CDH7: variants seen among roughly 807,000 people sequenced by gnomAD.
The protein encoded by CDH7 is cadherin 7.
In CDH7, 25 loss-of-function variants were observed where a neutral mutation model predicts 71.8. The observed-to-expected ratio is 0.35, with a 90% CI of 0.25 to 0.49. The LOEUF (loss-of-function observed/expected upper bound fraction) is 0.49, where lower values mean the gene tolerates loss of function less well. Among genes scored for constraint, CDH7 ranks in the 20% least tolerant of loss-of-function variants. The pLI is 0.99. For missense variants in CDH7, 862 were observed against 974.6 expected (o/e 0.88, Z 1.54); for synonymous variants, 381 against 363.8 (o/e 1.05, Z -0.54).
In CDH7 at chr18:65,875,938, A is replaced by G. The variant is rs548507862; in HGVS notation, c.1865-4463A>G. Among the ~76,000 whole-genome samples, 138 of 152,342 alleles carry G rather than the reference A, an allele frequency of 9.1e-4. 1 individual carries two copies. Among genetic ancestry groups the G allele is most frequent in the Non-Finnish European group, 1.8e-3 (122 of 68,036 alleles). ...AGTGAGACTCTGTCTCCAAAAAATA[A>G]AAATAAAACTGACAACACATCAGTT... On this transcript the variant is annotated intron_variant, in intron 11 of 11. Coordinates refer to ENST00000397968, the MANE Select transcript of CDH7 (RefSeq NM_004361.5).
Position 65,887,670 on chromosome 18 carries a change from T to A in CDH7, c.*6776T>A, listed in dbSNP as rs1914407032. 1 of 152,152 alleles carries A rather than the reference T, an allele frequency of 6.6e-6. No homozygotes were observed. The allele number at this position is 152,152 out of a possible 1,614,324, so 9.4% of individuals were successfully genotyped here. A position where few individuals can be genotyped will look rare whatever the true frequency, so the allele number is the denominator to read the frequency against. ...AACACACACAATTTGAGGCGAAATG[T>A]TGAAGTAAAGTAAATGACTTTTAAA... On this transcript the variant is annotated 3_prime_UTR_variant, in exon 12 of 12. Transcript: ENST00000397968.
chr18:65,797,285 T>G (rs1910951452), intron 2 of CDH7, among the ~76,000 whole-genome samples: 2 of 152,200 alleles, frequency 1.3e-5, no homozygotes, highest in Non-Finnish European at 2.9e-5. Flanking sequence ...TTTATTGTGG[T>G]CTTTGCCTGT....
At chr18:65,825,940 T>C (rs1310122085) in intron 6 of CDH7, among the ~76,000 whole-genome samples, 2 of 151,742 alleles carry the variant, frequency 1.3e-5, no homozygotes, top group Admixed American at 1.3e-4. Context: ...CAAAGAGTCA[T>C]CTGAAATCAA....
Position 65,792,800 on chromosome 18 carries a change from A to G in CDH7, c.211-16904A>G, listed in dbSNP as rs1203792268. On this transcript the variant is annotated intron_variant, in intron 2 of 11. Coordinates refer to ENST00000397968, the MANE Select transcript of CDH7 (RefSeq NM_004361.5). ...AAAACTCAGCTCTTTGCCAATTTCC[A>G]CAAAATACCCAATTACATCAAGCAT... 2.6e-5 allele frequency among the ~76,000 whole-genome samples: 4 copies of G among 152,142 alleles called. No individual in the cohort carries two copies. The East Asian group carries it at 7.7e-4, about 29-fold the overall frequency.
chr18:65,833,504 C>T (rs2143965091), intron 6 of CDH7, among the ~76,000 whole-genome samples: 1 of 152,200 alleles, frequency 6.6e-6, no homozygotes, highest in Admixed American at 6.5e-5. Context: ...TCTCATTTGA[C>T]TGTAAAAAGG....
At position 65,862,985 on chromosome 18, in the gene CDH7, T is replaced by G; in HGVS notation, c.1864+68T>G. 3 of 1,511,330 alleles carry G rather than the reference T, an allele frequency of 2.0e-6. No homozygotes were observed. In the African/African-American group the frequency reaches 4.1e-5, roughly 21 times the overall value. The allele number at this position is 1,511,330 out of a possible 1,614,324, so 93.6% of individuals were successfully genotyped here. A position where few individuals can be genotyped will look rare whatever the true frequency, so the allele number is the denominator to read the frequency against. ...ATAACCACATGTCACGACTTGCCTA[T>G]TATCTTCTCCATTTGGTGAACATAT... On this transcript the variant is annotated intron_variant, in intron 11 of 11. Transcript: ENST00000397968.
intron 2 of CDH7, among the ~76,000 whole-genome samples, chr18:65,774,265 AAT>A (rs1916633556): frequency 6.6e-6 from 1 of 152,028 alleles, no homozygotes; most frequent in Admixed American, 6.6e-5. Context: ...TTTGAGACTC[AAT>A]ATATATGATT....
At chr18:65,766,811 C>T (rs1415657259) in intron 2 of CDH7, among the ~76,000 whole-genome samples, 9 of 145,672 alleles carry the variant, frequency 6.2e-5, no homozygotes, top group East Asian at 2.1e-4. Flanking sequence ...TTCATTGGAT[C>T]GCACTGCATT....
chr18:65,790,175 C>G (rs1020564707), intron 2 of CDH7, among the ~76,000 whole-genome samples: 4 of 138,586 alleles, frequency 2.9e-5, no homozygotes, highest in African/African-American at 1.1e-4. Context: ...GAGCCAAGAT[C>G]GCGCCACTGC....
chr18:65,864,392 T>TTTTTG (rs1234256856), intron 11 of CDH7, among the ~76,000 whole-genome samples: 2 of 151,786 alleles, frequency 1.3e-5, no homozygotes, highest in African/African-American at 2.4e-5. Context: ...GTTTGTTTGT[T>TTTTTG]TTTTGTTTTG....
rs1264075816 is a variant in CDH7 at position 65,756,148 on chromosome 18, C to A, written c.-197+4998C>A. 3.3e-5 allele frequency among the ~76,000 whole-genome samples: 5 copies of A among 152,270 alleles called. No homozygotes were observed. The East Asian group carries it at 9.6e-4, about 29-fold the overall frequency. On this transcript the variant is annotated intron_variant, in intron 1 of 11. Coordinates refer to ENST00000397968, the MANE Select transcript of CDH7 (RefSeq NM_004361.5). ...TACTTAAAGATTCATTAAAAACATGCTGCTGCCTAAATGTAGTTCAACCTT... is the reference window on the plus strand; with the variant it reads ...TACTTAAAGATTCATTAAAAACATGATGCTGCCTAAATGTAGTTCAACCTT...
chr18:65,757,400 C>T (rs1916061362), intron 1 of CDH7, among the ~76,000 whole-genome samples: 1 of 152,010 alleles, frequency 6.6e-6, no homozygotes, highest in African/African-American at 2.4e-5. Context: ...CTTTTTGCTT[C>T]AGTCCGTTCA....
intron 3 of CDH7, among the ~76,000 whole-genome samples, chr18:65,811,729 T>G (rs1042496152): frequency 3.3e-5 from 5 of 152,088 alleles, no homozygotes; most frequent in Non-Finnish European, 2.9e-5. Flanking sequence ...TCATGGACAT[T>G]TTGGTTGTTC....
intron 2 of CDH7, among the ~76,000 whole-genome samples, chr18:65,766,396 G>T (rs928096848): frequency 6.6e-6 from 1 of 152,082 alleles, no homozygotes; most frequent in Non-Finnish European, 1.5e-5. Flanking sequence ...TTACTGAGTT[G>T]CTTTTTACAT....
At chr18:65,862,462 A>G (rs1259844864) in intron 10 of CDH7, among the ~76,000 whole-genome samples, 2 of 152,228 alleles carry the variant, frequency 1.3e-5, no homozygotes, top group Non-Finnish European at 2.9e-5. Context: ...TATACTGCAT[A>G]GAATAACATA....
At chr18:65,782,008 CTCTT>C (rs1481952578) in intron 2 of CDH7, among the ~76,000 whole-genome samples, 3 of 61,628 alleles carry the variant, frequency 4.9e-5, no homozygotes, top group African/African-American at 4.6e-4. Context: ...CTCTCTTTCT[CTCTT>C]TCTCTCTCTC....
At chr18:65,839,861 T>C (rs1912664584) in intron 6 of CDH7, among the ~76,000 whole-genome samples, 1 of 152,196 alleles carries the variant, frequency 6.6e-6, no homozygotes, top group African/African-American at 2.4e-5. Flanking sequence ...CTTACCATAT[T>C]GGGCTCCTTA....
chr18:65,776,026 A>G (rs1355647226), intron 2 of CDH7, among the ~76,000 whole-genome samples: 1 of 152,234 alleles, frequency 6.6e-6, no homozygotes, highest in Non-Finnish European at 1.5e-5. Flanking sequence ...GATGTTAGTT[A>G]TATTTATAAA....
intron 2 of CDH7, among the ~76,000 whole-genome samples, chr18:65,787,857 T>G (rs941495928): frequency 2.6e-5 from 4 of 152,208 alleles, no homozygotes; most frequent in African/African-American, 7.2e-5. Context: ...ATTCAGTCAG[T>G]AGATATATGA....
Sources: gnomAD v4.1 joint callset for allele counts (sites outside exome capture counted in the v4.1 genomes callset) on GRCh38, gnomAD v4.1.1 for gene constraint, MANE v1.5 for transcripts, NCBI Gene and HGNC (gene_info 2026-07-23, HGNC 2026-07-21) for gene names.